Variants in RAB27A observed in about 807,000 individuals in gnomAD.
RAB27A encodes RAB27A, member RAS oncogene family.
Under a neutral mutation model 20.8 loss-of-function variants are expected in RAB27A, and 17 were observed. The ratio of observed to expected loss-of-function variants is 0.82; its 90% CI spans 0.56 to 1.23. RAB27A has a LOEUF of 1.23. Among genes scored for constraint, RAB27A ranks in the 50% most tolerant of loss-of-function variants. RAB27A has a pLI of 0.00. For missense variants in RAB27A, 277 were observed against 266.7 expected (o/e 1.04, Z -0.27); for synonymous variants, 85 against 92.8 (o/e 0.92, Z 0.48).
At chr15:55,301,207 C>T (rs1434047992) in intron 2 of RAB27A, among the ~76,000 whole-genome samples, 1 of 152,184 alleles carries the variant, frequency 6.6e-6, no homozygotes, top group African/African-American at 2.4e-5. Context: ...ATTCTCCTGC[C>T]TTAGCCTCCC....
intron 6 of RAB27A, among the ~76,000 whole-genome samples, chr15:55,221,821 G>C (rs1895585674): frequency 2.0e-5 from 3 of 152,038 alleles, no homozygotes; most frequent in Admixed American, 2.0e-4. Flanking sequence ...GATGTTGTTA[G>C]CCCTGTGACA....
chr15:55,220,250 T>A (rs992044538), intron 6 of RAB27A, among the ~76,000 whole-genome samples: 1 of 148,018 alleles, frequency 6.8e-6, no homozygotes, highest in African/African-American at 2.5e-5. Flanking sequence ...TTTTTGTTTG[T>A]TTGTTTGTTT....
In RAB27A at chr15:55,228,599, T is replaced by A; in HGVS notation, c.343+10A>T. The stretch of plus-strand genomic sequence containing the variant: ...TGTGTAGCAGGACACTGGGGAACAA[T>A]AACACTTACTTATCCAGTTTCTGAC... On this transcript the variant is annotated intron_variant, in intron 5 of 6. Coordinates refer to ENST00000336787, the MANE Select transcript of RAB27A (RefSeq NM_183235.3). 6.4e-7 allele frequency: 1 copy of A among 1,567,856 alleles called. No homozygotes were observed. Among genetic ancestry groups the A allele is most frequent in the East Asian group, 2.2e-5 (1 of 44,650 alleles).
chr15:55,207,394 G>A (rs1222058043), intron 6 of RAB27A, among the ~76,000 whole-genome samples: 1 of 152,164 alleles, frequency 6.6e-6, no homozygotes, highest in African/African-American at 2.4e-5. Context: ...CAACTGAGAA[G>A]GTCTTAGGGC....
At chr15:55,227,648 C>T (rs140589940) in intron 5 of RAB27A, among the ~76,000 whole-genome samples, 1 of 152,248 alleles carries the variant, frequency 6.6e-6, no homozygotes, top group Non-Finnish European at 1.5e-5. Flanking sequence ...ATGTCCTTCT[C>T]CTGAAATAAG....
chr15:55,214,086 A>T (rs1186976642), intron 6 of RAB27A, among the ~76,000 whole-genome samples: 1 of 152,166 alleles, frequency 6.6e-6, no homozygotes, highest in Admixed American at 6.5e-5. Flanking sequence ...TTCCTCCAGG[A>T]GGTGATAAGG....
At chr15:55,288,385 G>A (rs911405473) in intron 1 of RAB27A, among the ~76,000 whole-genome samples, 1 of 152,066 alleles carries the variant, frequency 6.6e-6, no homozygotes, top group Non-Finnish European at 1.5e-5. Context: ...GCCAAGCATG[G>A]TAGCACACAC....
In RAB27A at chr15:55,243,351, CCT is replaced by C. The variant is rs376081353; in HGVS notation, c.-22-8397_-22-8396del. ...CCGTTTTCTCTCAAATAAGTATTTT[CCT>C]CTCGAATAAGATTATTTTAGGCCAG... On this transcript the variant is annotated intron_variant, in intron 2 of 6. Transcript: ENST00000336787. 1.2e-4 allele frequency among the ~76,000 whole-genome samples: 18 copies of C among 152,216 alleles called. No individual in the cohort carries two copies. The East Asian group carries it at 1.9e-3, about 16-fold the overall frequency.
intron 6 of RAB27A, among the ~76,000 whole-genome samples, chr15:55,222,352 T>C (rs1895611149): frequency 6.6e-6 from 1 of 152,212 alleles, no homozygotes; most frequent in Admixed American, 6.5e-5. Flanking sequence ...CCCTACTCTA[T>C]GTGTTTTTCC....
chr15:55,301,522 T>C (rs75620129), intron 2 of RAB27A, among the ~76,000 whole-genome samples: 7,774 of 147,332 alleles, frequency 0.053, 285 homozygotes, highest in East Asian at 0.15. Flanking sequence ...CTTTGAGATA[T>C]AATTCACACA....
At chr15:55,243,834 C>A (rs1240283877) in intron 2 of RAB27A, among the ~76,000 whole-genome samples, 1 of 152,060 alleles carries the variant, frequency 6.6e-6, no homozygotes, top group African/African-American at 2.4e-5. Flanking sequence ...TAGCCATGTC[C>A]CAGTCTAACT....
intron 2 of RAB27A, among the ~76,000 whole-genome samples, chr15:55,310,192 G>T (rs1181245940): frequency 6.6e-6 from 1 of 152,344 alleles, no homozygotes; most frequent in South Asian, 2.1e-4. Context: ...GCTGGGAGAA[G>T]TATCTAGTGA....
At chr15:55,210,894 T>C (rs28864456) in intron 6 of RAB27A, among the ~76,000 whole-genome samples, 40,703 of 152,056 alleles carry the variant, frequency 0.27, 7,082 homozygotes, top group African/African-American at 0.5. Flanking sequence ...TTTCATAGTT[T>C]CAAGTCCGAT....
In RAB27A at chr15:55,239,675, G is replaced by A. The variant is rs543427788; in HGVS notation, c.-22-4719C>T. ...AAATATTCACCCATGACCCAACAAT[G>A]AAGATTCTGATTGGGGAAAACCTTT... On this transcript the variant is annotated intron_variant, in intron 2 of 6. Coordinates refer to ENST00000336787, the MANE Select transcript of RAB27A (RefSeq NM_183235.3). 2.6e-5 allele frequency among the ~76,000 whole-genome samples: 4 copies of A among 152,272 alleles called. No homozygotes were observed. In the South Asian group the frequency reaches 6.2e-4, roughly 24 times the overall value.
chr15:55,256,811 G>A (rs1206113244), intron 2 of RAB27A, among the ~76,000 whole-genome samples: 1 of 152,152 alleles, frequency 6.6e-6, no homozygotes, highest in Non-Finnish European at 1.5e-5. Flanking sequence ...TGAAATAAGA[G>A]GTTTGACCAC....
At chr15:55,219,366 G>C (rs910553052) in intron 6 of RAB27A, among the ~76,000 whole-genome samples, 1 of 152,186 alleles carries the variant, frequency 6.6e-6, no homozygotes, top group Admixed American at 6.5e-5. Flanking sequence ...GTAGACAATT[G>C]GTTCATATCC....
At chr15:55,306,999 G>A (rs61044972) in intron 2 of RAB27A, among the ~76,000 whole-genome samples, 7,104 of 152,076 alleles carry the variant, frequency 0.047, 571 homozygotes, top group African/African-American at 0.16. Flanking sequence ...GGTTCCTTCG[G>A]CAGTATCCAG....
chr15:55,230,161 A>G (rs1380591982), intron 4 of RAB27A, among the ~76,000 whole-genome samples: 1 of 152,192 alleles, frequency 6.6e-6, no homozygotes, highest in Non-Finnish European at 1.5e-5. Context: ...CTAAGCAAAA[A>G]AAAATTAAAA....
chr15:55,210,830 GT>G (rs1206474566), intron 6 of RAB27A, among the ~76,000 whole-genome samples: 1 of 152,056 alleles, frequency 6.6e-6, no homozygotes, highest in Non-Finnish European at 1.5e-5. Flanking sequence ...TACACAAAAA[GT>G]TTTTGTCCAG....
Sources: allele counts gnomAD v4.1 joint callset (sites outside exome capture counted in the v4.1 genomes callset), GRCh38; gene constraint gnomAD v4.1.1; transcripts MANE v1.5; gene names NCBI Gene and HGNC (gene_info 2026-07-23, HGNC 2026-07-21).